The following TSPEAR variants were observed in gnomAD, a reference collection of about 807,000 sequenced individuals.
TSPEAR encodes thrombospondin-type laminin G domain and EAR repeat-containing protein.
In TSPEAR, 69 loss-of-function variants were observed where a neutral mutation model predicts 71.6. The ratio of observed to expected loss-of-function variants is 0.96; its 90% CI spans 0.79 to 1.18. The LOEUF is 1.18. Ranked by LOEUF, TSPEAR falls within the 50% of genes most tolerant of loss-of-function variation. TSPEAR has a pLI of 0.00. For synonymous variants in TSPEAR, 402 were observed against 387.2 expected (o/e 1.04, Z -0.45); for missense variants, 971 against 894.9 (o/e 1.09, Z -1.09).
At chr21:44,611,130 G>A (rs1228383338) in intron 1 of TSPEAR, among the ~76,000 whole-genome samples, 1 of 152,130 alleles carries the variant, frequency 6.6e-6, no homozygotes, top group Non-Finnish European at 1.5e-5. Context: ...TTAAGACTTT[G>A]GGGGACTGTT....
At chr21:44,696,943 C>T (rs1601576151) in intron 1 of TSPEAR, among the ~76,000 whole-genome samples, 1 of 152,262 alleles carries the variant, frequency 6.6e-6, no homozygotes, top group Non-Finnish European at 1.5e-5. Flanking sequence ...TGTGCTGGGA[C>T]AACACACACA....
At chr21:44,560,956 A>G (rs9979587) in intron 2 of TSPEAR, among the ~76,000 whole-genome samples, 2,844 of 152,322 alleles carry the variant, frequency 0.019, 89 homozygotes, top group African/African-American at 0.065. Context: ...TCCAAAGGCT[A>G]GCAGAAGACA....
intron 1 of TSPEAR, chr21:44,676,605 G>T: frequency 1.3e-6 from 1 of 743,592 alleles, no homozygotes; most frequent in Non-Finnish European, 2.5e-6. Context: ...TCTCAGACAG[G>T]TTCTGCTCAA....
intron 1 of TSPEAR, among the ~76,000 whole-genome samples, chr21:44,629,663 C>G (rs1416360155): frequency 6.6e-6 from 1 of 152,220 alleles, no homozygotes; most frequent in African/African-American, 2.4e-5. Flanking sequence ...GGCAGACGCT[C>G]CCTGTCCATA....
intron 1 of TSPEAR, among the ~76,000 whole-genome samples, chr21:44,674,991 C>G (rs918494881): frequency 6.6e-6 from 1 of 152,050 alleles, no homozygotes; most frequent in Non-Finnish European, 1.5e-5. Context: ...CCAAATTATA[C>G]CAAACACATG....
chr21:44,584,171 A>C (rs1286369870), intron 1 of TSPEAR, among the ~76,000 whole-genome samples: 1 of 152,214 alleles, frequency 6.6e-6, no homozygotes, highest in African/African-American at 2.4e-5. Context: ...TCCACATATA[A>C]GCGAGGTCTG....
chr21:44,585,798 G>A (rs1979299735), intron 1 of TSPEAR, among the ~76,000 whole-genome samples: 1 of 152,006 alleles, frequency 6.6e-6, no homozygotes, highest in South Asian at 2.1e-4. Flanking sequence ...ATGCATTATT[G>A]TTTGTTTAGA....
At chr21:44,697,360 C>T in intron 1 of TSPEAR, 1 of 1,613,276 alleles carries the variant, frequency 6.2e-7, no homozygotes, top group Non-Finnish European at 8.5e-7. Flanking sequence ...TGGTCTGCAC[C>T]CCAGTGAGCC....
At chr21:44,559,952 A>G (rs2053609068) in intron 2 of TSPEAR, among the ~76,000 whole-genome samples, 2 of 152,144 alleles carry the variant, frequency 1.3e-5, no homozygotes, top group South Asian at 4.1e-4. Context: ...GAGTATGGCT[A>G]AGGGCTCTGT....
chr21:44,635,191 A>G (rs1983473257), intron 1 of TSPEAR, among the ~76,000 whole-genome samples: 1 of 151,842 alleles, frequency 6.6e-6, no homozygotes, highest in Non-Finnish European at 1.5e-5. Context: ...CCAAAAATAT[A>G]AAAAATTAGC....
At chr21:44,580,781 C>T (rs1210255467) in intron 1 of TSPEAR, among the ~76,000 whole-genome samples, 1 of 152,166 alleles carries the variant, frequency 6.6e-6, no homozygotes, top group Non-Finnish European at 1.5e-5. Context: ...GGAGATGCGT[C>T]ATTCATGCTG....
rs193033273 is a variant in TSPEAR, at chr21:44,539,549, G to A, written c.304-5626C>T. ...TGAAGTGGAAGCCCCAGAGCAGACG[G>A]GCACACAGCAGATGGGCTTGCAGCA... On this transcript the variant is annotated intron_variant, in intron 2 of 11. Transcript: ENST00000323084. The A allele has an allele frequency of 5.0e-6, 8 of 1,613,652 alleles. No individual in the cohort carries two copies. The East Asian group carries it at 1.8e-4, about 36-fold the overall frequency.
intron 1 of TSPEAR, among the ~76,000 whole-genome samples, chr21:44,671,918 T>C (rs1986073188): frequency 6.6e-6 from 1 of 152,088 alleles, no homozygotes; most frequent in Non-Finnish European, 1.5e-5. Flanking sequence ...TTCTGTGAGA[T>C]ATAAGATAAC....
chr21:44,574,313 C>T, intron 1 of TSPEAR: 1 of 1,612,070 alleles, frequency 6.2e-7, no homozygotes, highest in East Asian at 2.2e-5. Context: ...TGTCCAGCCC[C>T]TGCTGCCAGG....
At chr21:44,543,580 A>AT (rs782373093) in intron 2 of TSPEAR, among the ~76,000 whole-genome samples, 75 of 152,336 alleles carry the variant, frequency 4.9e-4, no homozygotes, top group Non-Finnish European at 9.4e-4. Flanking sequence ...GTCATACGGG[A>AT]TCATAGTGAA....
intron 1 of TSPEAR, chr21:44,574,385 C>T (rs781804570): frequency 8.1e-6 from 13 of 1,603,604 alleles, no homozygotes; most frequent in Admixed American, 3.4e-5. Context: ...CCTCGTGCTG[C>T]CAGCAGTCTA....
chr21:44,601,240 T>C (rs782444086), intron 1 of TSPEAR: 152 of 1,608,766 alleles, frequency 9.4e-5, no homozygotes, highest in Middle Eastern at 1.7e-4. Flanking sequence ...CTGCACGCCC[T>C]CGTGCTGCCA....
chr21:44,563,268 G>A (rs868987575), intron 2 of TSPEAR, among the ~76,000 whole-genome samples: 8 of 152,156 alleles, frequency 5.3e-5, no homozygotes, highest in Middle Eastern at 3.4e-3. Flanking sequence ...AAAATTATAG[G>A]AAGTAATAAG....
chr21:44,600,518 G>C, intron 1 of TSPEAR: 1 of 1,337,582 alleles, frequency 7.5e-7, no homozygotes. Context: ...ACAGACCAGG[G>C]AGACATATAA....
Sources: gnomAD v4.1 joint callset for allele counts (sites outside exome capture counted in the v4.1 genomes callset) on GRCh38, gnomAD v4.1.1 for gene constraint, MANE v1.5 for transcripts, NCBI Gene and HGNC (gene_info 2026-07-23, HGNC 2026-07-21) for gene names.